MRE11: variants seen among roughly 807,000 people sequenced by gnomAD.
MRE11 encodes double-strand break repair protein MRE11.
Under a neutral mutation model 91.7 loss-of-function variants are expected in MRE11, and 62 were observed. That is an observed-to-expected ratio of 0.68 (90% CI 0.55 to 0.84). The LOEUF is 0.84. Among genes scored for constraint, MRE11 ranks in the 40% least tolerant of loss-of-function variants. The probability of loss-of-function intolerance (pLI) is 0.00; values close to 1 mark genes in which losing one functional copy is unlikely to be tolerated. For synonymous variants in MRE11, 273 were observed against 271.4 expected (o/e 1.01, Z -0.06); for missense variants, 796 against 852.9 (o/e 0.93, Z 0.83).
At chr11:94,491,058 C>T (rs1207132263) in intron 2 of MRE11, 93 bp from the exon 3 acceptor site, 6 of 822,790 alleles carry the variant, frequency 7.3e-6, no homozygotes, top group East Asian at 2.7e-5. Flanking sequence ...TAAATAATAA[C>T]AGTTATAGAG....
intron 18 of MRE11, among the ~76,000 whole-genome samples, chr11:94,434,054 A>G (rs1055747401): frequency 7.9e-5 from 12 of 152,096 alleles, no homozygotes; most frequent in African/African-American, 2.9e-4. Context: ...AAAACCTTCA[A>G]TGACCTTTCC....
At chr11:94,420,506 T>A (rs1215162127) in intron 19 of MRE11, among the ~76,000 whole-genome samples, 1 of 152,202 alleles carries the variant, frequency 6.6e-6, no homozygotes, top group Admixed American at 6.5e-5. Flanking sequence ...TTTGAATATA[T>A]TTTCTCATTT....
At chr11:94,446,213 G>T (rs564550948) in intron 15 of MRE11, among the ~76,000 whole-genome samples, 1 of 152,254 alleles carries the variant, frequency 6.6e-6, no homozygotes, top group East Asian at 1.9e-4. Flanking sequence ...TTCAAGACTA[G>T]CCTGGCCAAC....
At chr11:94,506,186 G>GTTT in the MRE11 span, among the ~76,000 whole-genome samples, 67 of 148,490 alleles carry the variant, frequency 4.5e-4, no homozygotes, top group African/African-American at 1.5e-3. Context: ...TTCATTTTCA[G>GTTT]TTTTTTTTTT....
At chr11:94,470,738 C>T (rs1330186200) in intron 8 of MRE11, 96 bp from the exon 9 acceptor site, 8 of 1,256,240 alleles carry the variant, frequency 6.4e-6, no homozygotes, top group Middle Eastern at 1.8e-4. Flanking sequence ...TCTAAAAATG[C>T]TTCTTTATAA....
intron 2 of MRE11, among the ~76,000 whole-genome samples, chr11:94,491,914 A>C (rs1185415245): frequency 2.6e-5 from 4 of 152,222 alleles, no homozygotes; most frequent in East Asian, 1.9e-4. Flanking sequence ...TCAAATCATA[A>C]TACTACATGT....
chr11:94,439,245 T>C (rs1945709200), intron 16 of MRE11, among the ~76,000 whole-genome samples: 1 of 152,126 alleles, frequency 6.6e-6, no homozygotes, highest in Admixed American at 6.5e-5. Flanking sequence ...TGATGACAAG[T>C]ATAGTTACTA....
rs496797 is a variant in MRE11, at chr11:94,492,641, C to T, written c.20+141G>A. 0.44 allele frequency: 588,209 copies of T among 1,326,302 alleles called. 134,746 individuals carry two copies. The highest frequency in any genetic ancestry group is 0.63 in the African/African-American group (42,847 of 67,812). The allele number at this position is 1,326,302 out of a possible 1,614,324, so 82.2% of individuals were successfully genotyped here. A position where few individuals can be genotyped will look rare whatever the true frequency, so the allele number is the denominator to read the frequency against. ...ATAAATATTTAAAACATTCCAAATA[C>T]CCTTTTTGATGACTAATATTTCTGT... On this transcript the variant is annotated intron_variant, in intron 2 of 19. Transcript: ENST00000323929.
At chr11:94,452,628 T>C (rs1285533955) in intron 14 of MRE11, among the ~76,000 whole-genome samples, 1 of 152,222 alleles carries the variant, frequency 6.6e-6, no homozygotes, top group Non-Finnish European at 1.5e-5. Context: ...ATTTTTATCA[T>C]CTCAAATTGT....
chr11:94,449,938 C>T (rs1946054110), intron 14 of MRE11, among the ~76,000 whole-genome samples: 1 of 152,184 alleles, frequency 6.6e-6, no homozygotes, highest in Non-Finnish European at 1.5e-5. Context: ...GTATGTGGCA[C>T]ATGACTACAT....
intron 18 of MRE11, 92 bp from the exon 19 acceptor site, chr11:94,430,078 C>T: frequency 8.5e-7 from 1 of 1,172,484 alleles, no homozygotes; most frequent in Non-Finnish European, 1.3e-6. Flanking sequence ...CAGCAGCTGC[C>T]ACGAATATAA....
At chr11:94,471,902 A>G in intron 7 of MRE11, 143 bp from the exon 8 acceptor site, 1 of 702,452 alleles carries the variant, frequency 1.4e-6, no homozygotes, top group Non-Finnish European at 2.3e-6. Context: ...AGGATTGGGA[A>G]TGTAAAGATC....
chr11:94,428,127 C>T (rs1253878767), intron 19 of MRE11, among the ~76,000 whole-genome samples: 2 of 152,122 alleles, frequency 1.3e-5, no homozygotes, highest in East Asian at 3.8e-4. Flanking sequence ...TATAACACTA[C>T]CCAACTTTGA....
intron 19 of MRE11, among the ~76,000 whole-genome samples, chr11:94,425,432 C>G (rs1945286329): frequency 6.6e-6 from 1 of 152,124 alleles, no homozygotes; most frequent in Non-Finnish European, 1.5e-5. Context: ...TATAAAGCAA[C>G]TACATAATCA....
the MRE11 span, among the ~76,000 whole-genome samples, chr11:94,507,737 T>A: frequency 6.6e-6 from 1 of 152,194 alleles, no homozygotes; most frequent in African/African-American, 2.4e-5. Flanking sequence ...TGGTGACTAA[T>A]GATGTGAAGC....
In MRE11 at chr11:94,419,465, G is replaced by GGAGAGAGAGAGAGA. The variant is rs201800515; in HGVS notation, c.*646_*659dup. 694 of 216,378 alleles carry GGAGAGAGAGAGAGA rather than the reference G, an allele frequency of 3.2e-3. 10 individuals carry two copies. The highest frequency in any genetic ancestry group is 0.015 in the African/African-American group (606 of 40,674). 13.4% of individuals were successfully genotyped at this position (216,378 alleles called of 1,614,324 possible). ...GAAGAGTGGGGAACGGGGGGGAGAG[G>GGAGAGAGAGAGAGA]GAGAGAGAGAGAGAGAGAGAGAGAG... is the stretch of plus-strand genomic sequence containing the variant. On this transcript the variant is annotated 3_prime_UTR_variant, in exon 20 of 20. Coordinates refer to ENST00000323929, the MANE Select transcript of MRE11 (RefSeq NM_005591.4).
intron 4 of MRE11, among the ~76,000 whole-genome samples, chr11:94,485,251 C>CAAA (rs920796994): frequency 8.0e-6 from 1 of 125,418 alleles, no homozygotes; most frequent in African/African-American, 3.0e-5. Context: ...AAGACTCCAT[C>CAAA]AAAAAAAAAA....
upstream of MRE11, among the ~76,000 whole-genome samples, chr11:94,496,119 T>C: frequency 6.6e-6 from 1 of 151,924 alleles, no homozygotes; most frequent in East Asian, 1.9e-4. Context: ...TAAAGATATA[T>C]GTACCGATGA....
intron 18 of MRE11, among the ~76,000 whole-genome samples, chr11:94,434,425 A>T (rs1265934840): frequency 6.6e-6 from 1 of 152,126 alleles, no homozygotes; most frequent in Non-Finnish European, 1.5e-5. Flanking sequence ...TTCTTTAAGT[A>T]TTTAATTTCT....
Sources: gnomAD v4.1 joint callset for allele counts (sites outside exome capture counted in the v4.1 genomes callset) on GRCh38, gnomAD v4.1.1 for gene constraint, MANE v1.5 for transcripts, NCBI Gene and HGNC (gene_info 2026-07-23, HGNC 2026-07-21) for gene names.